Variants in CNBD1 observed in about 807,000 individuals in gnomAD.
CNBD1 encodes the protein cyclic nucleotide-binding domain-containing protein 1.
A neutral mutation model predicts 54.4 loss-of-function variants in CNBD1; 71 were observed. The ratio of observed to expected loss-of-function variants is 1.30; its 90% CI spans 1.08 to 1.59. The LOEUF (loss-of-function observed/expected upper bound fraction) is 1.59, where lower values mean the gene tolerates loss of function less well. CNBD1 is among the 40% of genes most tolerant of loss of function. The pLI, the probability that CNBD1 is intolerant of heterozygous loss-of-function variation, is 0.00. For missense variants in CNBD1, 659 were observed against 518.0 expected, an observed-to-expected ratio of 1.27 and a Z score of -2.64; for synonymous variants, 182 against 170.7, an observed-to-expected ratio of 1.07 and a Z score of -0.51.
chr8:87,397,426 G>T (rs1811429535), intron 2 of CNBD1, among the ~76,000 whole-genome samples: 1 of 151,860 alleles, frequency 6.6e-6, no homozygotes, highest in African/African-American at 2.4e-5. Context: ...TGCAAGACAT[G>T]ATATTCGGGC....
chr8:86,924,324 T>C (rs754338215), intron 3 of CNBD1, among the ~76,000 whole-genome samples: 10 of 152,158 alleles, frequency 6.6e-5, no homozygotes, highest in Non-Finnish European at 1.5e-4. Flanking sequence ...GTAGAGAGCA[T>C]TTGAACCAAG....
chr8:86,884,376 C>T (rs979989615), intron 1 of CNBD1, among the ~76,000 whole-genome samples: 1 of 152,096 alleles, frequency 6.6e-6, no homozygotes, highest in Non-Finnish European at 1.5e-5. Flanking sequence ...GGGCATTATT[C>T]TTTTGCCTCT....
At chr8:87,169,418 T>A (rs533895528) in intron 4 of CNBD1, among the ~76,000 whole-genome samples, 1 of 152,184 alleles carries the variant, frequency 6.6e-6, no homozygotes, top group Admixed American at 6.5e-5. Flanking sequence ...TTGATGTGAT[T>A]CCGTTTGTCC....
intron 8 of CNBD1, 82 bp from the exon 9 acceptor site, chr8:87,351,603 C>T (rs1360746814): frequency 6.3e-5 from 79 of 1,252,332 alleles, no homozygotes; most frequent in Non-Finnish European, 8.3e-5. Flanking sequence ...GAATTAAATA[C>T]ATTAACTTTT....
At chr8:87,028,184 G>A (rs1809698583) in intron 4 of CNBD1, among the ~76,000 whole-genome samples, 1 of 152,144 alleles carries the variant, frequency 6.6e-6, no homozygotes, top group Admixed American at 6.5e-5. Context: ...GAAATTGAGA[G>A]CAGATCCTGC....
intron 6 of CNBD1, among the ~76,000 whole-genome samples, chr8:87,279,357 C>G (rs1301659600): frequency 6.6e-6 from 1 of 151,002 alleles, no homozygotes; most frequent in Non-Finnish European, 1.5e-5. Flanking sequence ...GGAAATGACA[C>G]AAAGAAATAG....
chr8:87,161,086 T>C (rs1025486955), intron 4 of CNBD1, among the ~76,000 whole-genome samples: 1 of 152,164 alleles, frequency 6.6e-6, no homozygotes, highest in South Asian at 2.1e-4. Flanking sequence ...AGGTTTGGGC[T>C]GGAGGGAGCC....
At chr8:87,208,994 C>T (rs1586330714) in intron 5 of CNBD1, among the ~76,000 whole-genome samples, 1 of 151,922 alleles carries the variant, frequency 6.6e-6, no homozygotes, top group Non-Finnish European at 1.5e-5. Flanking sequence ...AATATGGTAG[C>T]TAAATCTCAT....
At chr8:87,085,920 A>G (rs540129209) in intron 4 of CNBD1, among the ~76,000 whole-genome samples, 17 of 152,170 alleles carry the variant, frequency 1.1e-4, no homozygotes, top group African/African-American at 3.9e-4. Context: ...CTTAGTTTGC[A>G]GTTGTAATGG....
At chr8:87,314,884 GT>G (rs1809349144) in intron 8 of CNBD1, among the ~76,000 whole-genome samples, 1 of 151,970 alleles carries the variant, frequency 6.6e-6, no homozygotes, top group Non-Finnish European at 1.5e-5. Context: ...AAATAAGACA[GT>G]TCAGACAGAA....
chr8:87,043,767 C>T (rs1810123390), intron 4 of CNBD1, among the ~76,000 whole-genome samples: 1 of 152,224 alleles, frequency 6.6e-6, no homozygotes, highest in Non-Finnish European at 1.5e-5. Flanking sequence ...GGTTAATGTT[C>T]TCAGGCTCCC....
intron 4 of CNBD1, among the ~76,000 whole-genome samples, chr8:87,196,105 T>A (rs1813717432): frequency 6.6e-6 from 1 of 152,172 alleles, no homozygotes; most frequent in East Asian, 1.9e-4. Flanking sequence ...ACACTTATAC[T>A]CCCTCACAGG....
At chr8:87,286,390 A>G (rs1808698780) in intron 7 of CNBD1, 149 bp from the exon 8 acceptor site, 4 of 541,140 alleles carry the variant, frequency 7.4e-6, no homozygotes, top group Non-Finnish European at 3.2e-6. Flanking sequence ...GTGGCCATAG[A>G]GTGATGCTCA....
intron 2 of CNBD1, among the ~76,000 whole-genome samples, chr8:87,409,807 G>T (rs1807709734): frequency 6.6e-6 from 1 of 152,086 alleles, no homozygotes; most frequent in Admixed American, 6.6e-5. Flanking sequence ...AGGATTGCCA[G>T]ATCTCAGGAA....
Position 87,396,250 on chromosome 8 carries a change from T to C in CNBD1, c.214-32296T>C, listed in dbSNP as rs529210017. Among the ~76,000 whole-genome samples, 6 of 152,102 alleles carry C rather than the reference T, an allele frequency of 3.9e-5. No individual in the cohort carries two copies. In the East Asian group the frequency reaches 9.7e-4, roughly 25 times the overall value. ...GATACTACAGTCTTCTTCAGTTCTT[T>C]GCAGGTGTTTGTCTATAGTTTCATA... is the stretch of plus-strand genomic sequence containing the variant. On this transcript the variant is annotated intron_variant, in intron 2 of 7. Transcript: ENST00000521593.
intron 4 of CNBD1, among the ~76,000 whole-genome samples, chr8:87,133,376 C>T (rs963111325): frequency 3.3e-5 from 5 of 152,126 alleles, no homozygotes; most frequent in African/African-American, 7.2e-5. Flanking sequence ...AAATATTAAC[C>T]TTTGACTCAC....
At chr8:87,188,028 T>C (rs991035310) in intron 4 of CNBD1, among the ~76,000 whole-genome samples, 4 of 152,188 alleles carry the variant, frequency 2.6e-5, no homozygotes, top group Non-Finnish European at 4.4e-5. Context: ...CTCATTGCTC[T>C]CTCTGCTCCA....
chr8:86,977,402 T>C (rs998300895), intron 4 of CNBD1, among the ~76,000 whole-genome samples: 1 of 152,112 alleles, frequency 6.6e-6, no homozygotes, highest in Non-Finnish European at 1.5e-5. Context: ...TTTTCTCTTC[T>C]TTGCTCCTCA....
rs1337662548 is a variant in CNBD1 at position 87,323,185 on chromosome 8, C to G, written c.1043-28500C>G. Among the ~76,000 whole-genome samples, 5 of 122,004 alleles carry G rather than the reference C, an allele frequency of 4.1e-5. 1 individual carries two copies. Among genetic ancestry groups the G allele is most frequent in the Admixed American group, 2.4e-4 (3 of 12,356 alleles). 80.0% of individuals were successfully genotyped at this position (122,004 alleles called of 152,430 possible). A position where few individuals can be genotyped will look rare whatever the true frequency, so the allele number is the denominator to read the frequency against. On this transcript the variant is annotated intron_variant, in intron 8 of 10. Coordinates refer to ENST00000518476, the MANE Select transcript of CNBD1 (RefSeq NM_173538.3). ...CTATATCTCTGTTTTGGTACCAGTA[C>G]CATGCTGTTTTGGTTACTGTAGCCT...
Sources: gnomAD v4.1 joint callset for allele counts (sites outside exome capture counted in the v4.1 genomes callset) on GRCh38, gnomAD v4.1.1 for gene constraint, MANE v1.5 for transcripts, NCBI Gene and HGNC (gene_info 2026-07-23, HGNC 2026-07-21) for gene names.